The following SHISA9 variants were observed in gnomAD, a reference collection of about 807,000 sequenced individuals.
The protein encoded by SHISA9 is shisa family member 9.
SHISA9 carries 13 observed loss-of-function variants against 38.0 expected under a neutral mutation model. That is an observed-to-expected ratio of 0.34 (90% CI 0.22 to 0.54). The LOEUF is 0.54. Among genes scored for constraint, SHISA9 ranks in the 20% least tolerant of loss-of-function variants. SHISA9 has a pLI of 0.91. For missense variants in SHISA9, 538 were observed against 575.8 expected, an observed-to-expected ratio of 0.93 and a Z score of 0.67; for synonymous variants, 275 against 242.0, an observed-to-expected ratio of 1.14 and a Z score of -1.27.
At chr16:13,125,069 G>C (rs1464633943) in intron 2 of SHISA9, among the ~76,000 whole-genome samples, 1 of 152,086 alleles carries the variant, frequency 6.6e-6, no homozygotes, top group African/African-American at 2.4e-5. Flanking sequence ...AAGATTTCTT[G>C]AGTAATACCC....
chr16:13,306,396 A>G, the SHISA9 span, among the ~76,000 whole-genome samples: 1 of 152,324 alleles, frequency 6.6e-6, no homozygotes, highest in South Asian at 2.1e-4. Context: ...GTCATGTGCC[A>G]TACTGCTGTT....
intron 2 of SHISA9, among the ~76,000 whole-genome samples, chr16:13,141,679 C>G (rs907126984): frequency 6.6e-6 from 1 of 152,028 alleles, no homozygotes; most frequent in Non-Finnish European, 1.5e-5. Context: ...AAGACTCCAT[C>G]TCAAATATAT....
the SHISA9 span, among the ~76,000 whole-genome samples, chr16:13,559,425 T>G: frequency 2.6e-5 from 4 of 151,342 alleles, no homozygotes; most frequent in African/African-American, 9.7e-5. Flanking sequence ...TCACCCAAAA[T>G]GGAGTGCAGT....
chr16:13,066,089 G>A (rs1435410521), intron 2 of SHISA9, among the ~76,000 whole-genome samples: 1 of 152,158 alleles, frequency 6.6e-6, no homozygotes, highest in Non-Finnish European at 1.5e-5. Context: ...CACTGAGGGA[G>A]ATACGAACTT....
At chr16:13,489,191 G>T in the SHISA9 span, among the ~76,000 whole-genome samples, 1 of 152,094 alleles carries the variant, frequency 6.6e-6, no homozygotes, top group African/African-American at 2.4e-5. Flanking sequence ...GGGATTACAA[G>T]CGCATGCCAC....
At chr16:13,126,717 C>A (rs2050260618) in intron 2 of SHISA9, among the ~76,000 whole-genome samples, 1 of 106,548 alleles carries the variant, frequency 9.4e-6, no homozygotes, top group South Asian at 3.1e-4. Flanking sequence ...GAGAGAGAGA[C>A]TGAGAGAAGG....
At chr16:12,941,163 C>T (rs1257813210) in intron 2 of SHISA9, among the ~76,000 whole-genome samples, 1 of 152,018 alleles carries the variant, frequency 6.6e-6, no homozygotes, top group African/African-American at 2.4e-5. Context: ...ACCAGCCTGG[C>T]CAACATGGTG....
At chr16:12,953,416 G>T (rs2071786733) in intron 2 of SHISA9, among the ~76,000 whole-genome samples, 1 of 152,186 alleles carries the variant, frequency 6.6e-6, no homozygotes, top group South Asian at 2.1e-4. Context: ...GAAGCTGTTG[G>T]CCAAAGGATG....
chr16:13,149,340 A>G (rs1189341450), intron 2 of SHISA9, among the ~76,000 whole-genome samples: 6 of 152,118 alleles, frequency 3.9e-5, no homozygotes, highest in Non-Finnish European at 7.4e-5. Flanking sequence ...TATGGGGTGG[A>G]GAGGCTATCG....
At chr16:13,153,889 G>A (rs564798261) in intron 2 of SHISA9, among the ~76,000 whole-genome samples, 3 of 151,086 alleles carry the variant, frequency 2.0e-5, no homozygotes, top group African/African-American at 7.3e-5. Context: ...TGAAGCAGAT[G>A]GTTCACCAAC....
chr16:13,124,951 A>G (rs541311144), intron 2 of SHISA9, among the ~76,000 whole-genome samples: 23 of 152,320 alleles, frequency 1.5e-4, no homozygotes, highest in African/African-American at 4.6e-4. Flanking sequence ...CTCTCTCACC[A>G]TATACCAAAA....
In SHISA9 at chr16:13,016,099, T is replaced by C. The variant is rs1210100073; in HGVS notation, c.691+99284T>C. ...GCCTCCTTGGCTCAAGCAGTTCTCC[T>C]GCCTTAGTTTCCCAAGTAGCTGGAA... On this transcript the variant is annotated intron_variant, in intron 2 of 4. Transcript: ENST00000558583. 3.3e-5 allele frequency among the ~76,000 whole-genome samples: 5 copies of C among 149,984 alleles called. No individual in the cohort carries two copies. The Admixed American group carries it at 3.4e-4, about 10-fold the overall frequency.
intron 2 of SHISA9, among the ~76,000 whole-genome samples, chr16:12,994,286 T>G (rs1006925547): frequency 6.6e-6 from 1 of 152,056 alleles, no homozygotes; most frequent in African/African-American, 2.4e-5. Flanking sequence ...CAGAGAGAAG[T>G]GAATGGACCT....
chr16:13,450,935 A>G, the SHISA9 span, among the ~76,000 whole-genome samples: 1 of 152,176 alleles, frequency 6.6e-6, no homozygotes, highest in African/African-American at 2.4e-5. Flanking sequence ...GACCGATGCT[A>G]TCAGTGTCCC....
chr16:13,484,340 C>T, the SHISA9 span, among the ~76,000 whole-genome samples: 1 of 152,150 alleles, frequency 6.6e-6, no homozygotes, highest in Non-Finnish European at 1.5e-5. Context: ...TGTAACTTCA[C>T]CTCTCCGAGC....
the SHISA9 span, among the ~76,000 whole-genome samples, chr16:13,410,087 T>A: frequency 6.6e-6 from 1 of 152,246 alleles, no homozygotes; most frequent in Non-Finnish European, 1.5e-5. Flanking sequence ...CTTTCCTTTT[T>A]TCTCCTGAAT....
intron 2 of SHISA9, among the ~76,000 whole-genome samples, chr16:13,015,987 T>TCCCCTCCCCTCCCCTCCCCTCCCCTTC (rs2072752124): frequency 1.0e-4 from 1 of 9,888 alleles, no homozygotes; most frequent in Non-Finnish European, 1.7e-4. Flanking sequence ...TTCCCTTCCC[T>TCCCCTCCCCTCCCCTCCCCTCCCCTTC]TCTTTTCTTT....
intron 2 of SHISA9, among the ~76,000 whole-genome samples, chr16:12,931,756 G>A (rs1192920083): frequency 1.3e-5 from 2 of 152,164 alleles, no homozygotes; most frequent in Non-Finnish European, 2.9e-5. Flanking sequence ...ACATACAGGT[G>A]GGTATTTACC....
chr16:12,931,392 G>A (rs1398490842), intron 2 of SHISA9, among the ~76,000 whole-genome samples: 3 of 152,168 alleles, frequency 2.0e-5, no homozygotes, highest in Non-Finnish European at 4.4e-5. Context: ...CAGGTGGTGA[G>A]CATAGTGCCC....
Sources: gnomAD v4.1 joint callset for allele counts (sites outside exome capture counted in the v4.1 genomes callset) on GRCh38, gnomAD v4.1.1 for gene constraint, MANE v1.5 for transcripts, NCBI Gene and HGNC (gene_info 2026-07-23, HGNC 2026-07-21) for gene names.